Variants in PRKG1 observed in about 807,000 individuals in gnomAD.
PRKG1 encodes cGMP-dependent protein kinase 1.
Under a neutral mutation model 88.1 loss-of-function variants are expected in PRKG1, and 35 were observed. That is an observed-to-expected ratio of 0.40 (90% CI 0.30 to 0.53). The LOEUF (loss-of-function observed/expected upper bound fraction) is 0.53, where lower values mean the gene tolerates loss of function less well. Among genes scored for constraint, PRKG1 ranks in the 20% least tolerant of loss-of-function variants. The pLI is 0.59. For synonymous variants in PRKG1, 303 were observed against 292.5 expected (o/e 1.04, Z -0.37); for missense variants, 540 against 839.8 (o/e 0.64, Z 4.41).
chr10:51,358,612 A>G (rs1842415104), intron 2 of PRKG1, among the ~76,000 whole-genome samples: 1 of 151,926 alleles, frequency 6.6e-6, no homozygotes, highest in African/African-American at 2.4e-5. Flanking sequence ...CTTGTAGTAT[A>G]ATAGAAAGAG....
At chr10:51,945,201 A>C (rs1316334018) in intron 5 of PRKG1, among the ~76,000 whole-genome samples, 1 of 148,614 alleles carries the variant, frequency 6.7e-6, no homozygotes, top group Admixed American at 6.7e-5. Flanking sequence ...TCCCTTTACC[A>C]TTATGTAATG....
intron 1 of PRKG1, among the ~76,000 whole-genome samples, chr10:51,079,586 T>A (rs1168747740): frequency 2.0e-5 from 3 of 152,104 alleles, no homozygotes; most frequent in African/African-American, 7.2e-5. Context: ...GAAAAGCAAG[T>A]TTAGGCCAGT....
At chr10:52,054,595 A>T in intron 6 of PRKG1, 34 bp downstream of exon 6, 1 of 1,590,770 alleles carries the variant, frequency 6.3e-7, no homozygotes. Flanking sequence ...GTGATGCACT[A>T]GGGGAGCCTG....
At chr10:51,242,554 T>C (rs1344696242) in intron 2 of PRKG1, among the ~76,000 whole-genome samples, 2 of 152,152 alleles carry the variant, frequency 1.3e-5, no homozygotes, top group Non-Finnish European at 2.9e-5. Flanking sequence ...ATGATGTCCA[T>C]TTCGAGGTGA....
intron 3 of PRKG1, among the ~76,000 whole-genome samples, chr10:51,607,767 G>T (rs1246464542): frequency 6.6e-6 from 1 of 152,116 alleles, no homozygotes; most frequent in Non-Finnish European, 1.5e-5. Context: ...GTGTATGTTG[G>T]TCTTTGTATT....
chr10:52,264,530 A>G (rs1304300116), intron 10 of PRKG1, among the ~76,000 whole-genome samples: 2 of 152,052 alleles, frequency 1.3e-5, no homozygotes, highest in Non-Finnish European at 2.9e-5. Context: ...TTGCCAAATT[A>G]TTTCTGGATT....
At chr10:52,042,706 G>A (rs533490288) in intron 5 of PRKG1, among the ~76,000 whole-genome samples, 143 of 152,196 alleles carry the variant, frequency 9.4e-4, no homozygotes, top group Non-Finnish European at 1.7e-3. Flanking sequence ...GGCAACAAAA[G>A]CAAAAATAAA....
chr10:51,163,679 G>A (rs1277952178), intron 2 of PRKG1, among the ~76,000 whole-genome samples: 2 of 152,186 alleles, frequency 1.3e-5, no homozygotes, highest in Non-Finnish European at 2.9e-5. Context: ...GGAAAATCGG[G>A]TCACTCCCAC....
chr10:51,797,414 CATATT>C (rs1201875184), intron 3 of PRKG1, among the ~76,000 whole-genome samples: 3 of 143,254 alleles, frequency 2.1e-5, no homozygotes, highest in Non-Finnish European at 4.6e-5. Flanking sequence ...ATTTATAATA[CATATT>C]ATATTTTATT....
intron 7 of PRKG1, among the ~76,000 whole-genome samples, chr10:52,083,826 G>C (rs142237187): frequency 6.6e-6 from 1 of 151,914 alleles, no homozygotes; most frequent in Non-Finnish European, 1.5e-5. Context: ...ATATGTTTTA[G>C]TCTAGCAATA....
In PRKG1 at chr10:51,065,388, A is replaced by G. The variant is rs1165564496; in HGVS notation, c.266+73744A>G. ...AGTTGAAAAAAGTAGTTGGATATCA[A>G]GACACATTATTTCCTAGAAAAAAAA... On this transcript the variant is annotated intron_variant, in intron 1 of 17. Transcript: ENST00000401604. Among the ~76,000 whole-genome samples, 4 of 152,112 alleles carry G rather than the reference A, an allele frequency of 2.6e-5. No individual in the cohort carries two copies. In the East Asian group the frequency reaches 7.7e-4, roughly 29 times the overall value.
chr10:52,278,494 A>G lies in PRKG1; in HGVS notation c.1404-2295A>G, dbSNP rs530370772. 2.0e-5 allele frequency among the ~76,000 whole-genome samples: 3 copies of G among 152,328 alleles called. No individual in the cohort carries two copies. The East Asian group carries it at 5.8e-4, about 29-fold the overall frequency. On this transcript the variant is annotated intron_variant, in intron 12 of 17. Coordinates refer to ENST00000373980, the MANE Select transcript of PRKG1 (RefSeq NM_006258.4). ...CCAAAGATTATAAATCATTCTACTT[A>G]AAGACACATGCACATGTATGTTTAT... is the stretch of plus-strand genomic sequence containing the variant.
chr10:52,263,018 C>T lies in PRKG1; in HGVS notation c.1174-8332C>T, dbSNP rs1162214303. On this transcript the variant is annotated intron_variant, in intron 10 of 17. Transcript: ENST00000373980. ...ATGCAGAACCTACAGATGCAGAAAG[C>T]TGACTGTACCTATTATTTTGACAAG... 3.3e-5 allele frequency among the ~76,000 whole-genome samples: 5 copies of T among 152,156 alleles called. No individual in the cohort carries two copies. The East Asian group carries it at 5.8e-4, about 18-fold the overall frequency.
chr10:51,463,378 C>T (rs1839795935), intron 2 of PRKG1, among the ~76,000 whole-genome samples: 2 of 152,094 alleles, frequency 1.3e-5, no homozygotes, highest in Admixed American at 6.5e-5. Context: ...CCTGCATTTT[C>T]CCTATTTGTT....
At chr10:51,074,331 C>T (rs1341987461), upstream of PRKG1, 6 of 738,102 alleles carry the variant, frequency 8.1e-6, no homozygotes, top group Non-Finnish European at 1.2e-5. Context: ...CAGGTTTAAT[C>T]CCGGGTTGGA....
At chr10:51,901,387 G>A (rs1213998096) in intron 4 of PRKG1, among the ~76,000 whole-genome samples, 1 of 152,194 alleles carries the variant, frequency 6.6e-6, no homozygotes, top group Non-Finnish European at 1.5e-5. Flanking sequence ...TGTGCAGACA[G>A]GATCTTAACT....
intron 8 of PRKG1, among the ~76,000 whole-genome samples, chr10:52,153,375 C>G (rs763433269): frequency 1.3e-5 from 2 of 152,086 alleles, no homozygotes; most frequent in Non-Finnish European, 2.9e-5. Context: ...AGCATGTGTA[C>G]AAGTAATAAG....
At chr10:51,721,616 G>A (rs1378850307) in intron 3 of PRKG1, among the ~76,000 whole-genome samples, 4 of 152,122 alleles carry the variant, frequency 2.6e-5, no homozygotes, top group Admixed American at 6.6e-5. Context: ...TTTAGTGCAC[G>A]AGGCTCACAC....
At chr10:51,183,005 A>G (rs982099095) in intron 2 of PRKG1, among the ~76,000 whole-genome samples, 5 of 152,246 alleles carry the variant, frequency 3.3e-5, no homozygotes, top group Admixed American at 2.6e-4. Context: ...TTGATTAAAA[A>G]GAATGACTTC....
Sources: allele counts gnomAD v4.1 joint callset (sites outside exome capture counted in the v4.1 genomes callset), GRCh38; gene constraint gnomAD v4.1.1; transcripts MANE v1.5; gene names NCBI Gene and HGNC (gene_info 2026-07-23, HGNC 2026-07-21).